PDZD2: variants seen among roughly 807,000 people sequenced by gnomAD.
The protein encoded by PDZD2 is PDZ domain containing 2.
A neutral mutation model predicts 220.7 loss-of-function variants in PDZD2; 90 were observed. That is an observed-to-expected ratio of 0.41 (90% CI 0.34 to 0.49). The LOEUF (loss-of-function observed/expected upper bound fraction) is 0.49, where lower values mean the gene tolerates loss of function less well. PDZD2 is among the 20% of genes least tolerant of loss of function. The pLI, the probability that PDZD2 is intolerant of heterozygous loss-of-function variation, is 0.28. For missense variants in PDZD2, 3,174 were observed against 3,608.5 expected, an observed-to-expected ratio of 0.88 and a Z score of 3.08; for synonymous variants, 1,375 against 1,450.5, an observed-to-expected ratio of 0.95 and a Z score of 1.18.
intron 6 of PDZD2, among the ~76,000 whole-genome samples, chr5:32,015,347 A>G (rs186038975): frequency 6.6e-6 from 1 of 152,132 alleles, no homozygotes; most frequent in Non-Finnish European, 1.5e-5. Context: ...CCTGGGCTCA[A>G]GCAATCCTCC....
intron 2 of PDZD2, among the ~76,000 whole-genome samples, chr5:31,943,588 T>C (rs1331150689): frequency 2.0e-5 from 3 of 152,038 alleles, no homozygotes; most frequent in African/African-American, 7.2e-5. Context: ...ACCTAGAGGG[T>C]TTAATCCAAA....
intron 1 of PDZD2, among the ~76,000 whole-genome samples, chr5:31,651,312 C>G (rs907717018): frequency 1.3e-5 from 2 of 152,198 alleles, no homozygotes; most frequent in Non-Finnish European, 2.9e-5. Context: ...ATGTATCATG[C>G]ACTTCACCTC....
At chr5:31,654,087 A>G (rs984236196) in intron 1 of PDZD2, among the ~76,000 whole-genome samples, 1 of 152,120 alleles carries the variant, frequency 6.6e-6, no homozygotes, top group East Asian at 1.9e-4. Context: ...CCTGGCCCCA[A>G]TATATGTTTT....
At chr5:32,041,858 ACAAC>A (rs777378859) in intron 7 of PDZD2, among the ~76,000 whole-genome samples, 4 of 148,440 alleles carry the variant, frequency 2.7e-5, no homozygotes, top group Non-Finnish European at 3.0e-5. Flanking sequence ...AACAACAACA[ACAAC>A]AACAACAACA....
chr5:32,029,329 T>TA (rs34025632), intron 6 of PDZD2, among the ~76,000 whole-genome samples: 1,148 of 65,798 alleles, frequency 0.017, 67 homozygotes, highest in African/African-American at 0.047. Context: ...TCAAGAACTG[T>TA]AAAAAAAAAA....
At chr5:31,865,802 T>C (rs1738173473) in intron 2 of PDZD2, among the ~76,000 whole-genome samples, 3 of 151,216 alleles carry the variant, frequency 2.0e-5, no homozygotes, top group African/African-American at 7.3e-5. Flanking sequence ...CGGCTAATTT[T>C]TTGTATTTTT....
chr5:31,903,340 AT>A (rs1459008088), intron 2 of PDZD2, among the ~76,000 whole-genome samples: 1 of 151,880 alleles, frequency 6.6e-6, no homozygotes, highest in Non-Finnish European at 1.5e-5. Flanking sequence ...TTATTATGTA[AT>A]CTAGGGGTAG....
At chr5:31,898,737 G>T (rs955017673) in intron 2 of PDZD2, among the ~76,000 whole-genome samples, 2 of 151,220 alleles carry the variant, frequency 1.3e-5, no homozygotes, top group African/African-American at 4.9e-5. Context: ...CTTCAAATAT[G>T]TGGGAACTCA....
chr5:31,933,207 C>T lies in PDZD2; in HGVS notation c.477-49948C>T, dbSNP rs1195028398. ...ATTACAGGCCATGAGCCACTGCGCCCGGCCAGCATAGTTTCTTTTCAAAAC... is the reference window on the plus strand; with the variant it reads ...ATTACAGGCCATGAGCCACTGCGCCTGGCCAGCATAGTTTCTTTTCAAAAC... On this transcript the variant is annotated intron_variant, in intron 2 of 24. Transcript: ENST00000438447. Among the ~76,000 whole-genome samples, 11 of 152,144 alleles carry T rather than the reference C, an allele frequency of 7.2e-5. No individual in the cohort carries two copies. The East Asian group carries it at 1.2e-3, about 16-fold the overall frequency.
At position 32,010,356 on chromosome 5, in the gene PDZD2, GT is replaced by G; in HGVS notation, c.1283del (p.Leu428Ter). On this transcript the variant is annotated frameshift_variant, in exon 6 of 25. Coordinates refer to ENST00000438447, the MANE Select transcript of PDZD2 (RefSeq NM_178140.4). LOFTEE classifies it high-confidence loss of function. The stretch of plus-strand genomic sequence containing the variant: ...AAAACTCCGCAGAGGACCTCCTCAG[GT>G]TAACATCTAAGAGCTTGCCAGATCT... ...KENSAEDLLR[L>X]TSKSLPDLTS... The G allele has an allele frequency of 6.2e-7, 1 of 1,608,860 alleles. No homozygotes were observed.
chr5:32,040,166 C>T (rs1231903151), intron 7 of PDZD2, among the ~76,000 whole-genome samples: 1 of 148,874 alleles, frequency 6.7e-6, no homozygotes, highest in Non-Finnish European at 1.5e-5. Context: ...AGTGCCTCTG[C>T]CCGGCTGCCC....
chr5:31,960,373 A>ACTGCTGC (rs1748108721), intron 2 of PDZD2, among the ~76,000 whole-genome samples: 1 of 151,822 alleles, frequency 6.6e-6, no homozygotes, highest in African/African-American at 2.4e-5. Context: ...TTACACCACT[A>ACTGCTGC]CACCACGCCC....
intron 1 of PDZD2, among the ~76,000 whole-genome samples, chr5:31,668,328 A>G (rs933492340): frequency 7.3e-5 from 11 of 151,632 alleles, no homozygotes; most frequent in Admixed American, 5.9e-4. Context: ...AGACCAAACC[A>G]CTCCTTTCTG....
chr5:32,066,141 G>A (rs184460496), intron 14 of PDZD2, among the ~76,000 whole-genome samples: 218 of 152,028 alleles, frequency 1.4e-3, no homozygotes, highest in African/African-American at 4.6e-3. Flanking sequence ...TCAGGAATTC[G>A]AGACCACCCA....
intron 1 of PDZD2, among the ~76,000 whole-genome samples, chr5:31,690,713 C>T (rs1174955557): frequency 6.6e-6 from 1 of 152,182 alleles, no homozygotes; most frequent in Non-Finnish European, 1.5e-5. Flanking sequence ...TCATTCATTG[C>T]ATTTAGGGCC....
chr5:32,014,844 G>T (rs999917418), intron 6 of PDZD2, among the ~76,000 whole-genome samples: 13 of 150,404 alleles, frequency 8.6e-5, no homozygotes, highest in Admixed American at 2.0e-4. Flanking sequence ...GTCTCCTGGG[G>T]ACTATAGGCA....
intron 2 of PDZD2, among the ~76,000 whole-genome samples, chr5:31,811,230 C>T (rs989108914): frequency 3.3e-5 from 5 of 152,182 alleles, no homozygotes; most frequent in Admixed American, 3.3e-4. Context: ...AAGTGATCCA[C>T]CCACCTCGGC....
rs909276663 is a variant in PDZD2, at chr5:31,955,041, C to T, written c.477-28114C>T. Among the ~76,000 whole-genome samples the T allele has an allele frequency of 3.3e-5, 5 of 152,164 alleles. No individual in the cohort carries two copies. In the East Asian group the frequency reaches 7.7e-4, roughly 23 times the overall value. On this transcript the variant is annotated intron_variant, in intron 2 of 24. Coordinates refer to ENST00000438447, the MANE Select transcript of PDZD2 (RefSeq NM_178140.4). ...GGTTGAGCACTGGAGCATCCCCAAG[C>T]CCCGTACCCTGTGGAACGTCTAGAG...
At chr5:31,818,317 C>T (rs1395549098) in intron 2 of PDZD2, among the ~76,000 whole-genome samples, 4 of 152,114 alleles carry the variant, frequency 2.6e-5, no homozygotes, top group Non-Finnish European at 4.4e-5. Flanking sequence ...ATCAAAATTT[C>T]GAAAGTAGTC....
Sources: allele counts gnomAD v4.1 joint callset (sites outside exome capture counted in the v4.1 genomes callset), GRCh38; gene constraint gnomAD v4.1.1; transcripts MANE v1.5; gene names NCBI Gene and HGNC (gene_info 2026-07-23, HGNC 2026-07-21).